The following SP6 variants were observed in gnomAD, a reference collection of about 807,000 sequenced individuals.
The protein encoded by SP6 is Sp6 transcription factor.
Under a neutral mutation model 23.4 loss-of-function variants are expected in SP6, and 10 were observed. The ratio of observed to expected loss-of-function variants is 0.43; its 90% confidence interval spans 0.26 to 0.72. The LOEUF is 0.72. SP6 is among the 30% of genes least tolerant of loss of function. The pLI is 0.23. For missense variants in SP6, 482 were observed against 523.8 expected (o/e 0.92, Z 0.78); for synonymous variants, 238 against 238.7 (o/e 1.00, Z 0.03).
At chr17:47,855,719 C>T (rs1371139891), upstream of SP6, 1 of 152,824 alleles carries the variant, frequency 6.5e-6, no homozygotes, top group Non-Finnish European at 1.5e-5. Flanking sequence ...AAGAGCCAGG[C>T]TTTATAAAGG....
In SP6 at chr17:47,846,479, C is replaced by G. The variant is rs1209777721; in HGVS notation, c.*820G>C. The G allele has an allele frequency of 6.6e-6, 1 of 152,154 alleles. No homozygotes were observed. The highest frequency in any genetic ancestry group is 2.4e-5 in the African/African-American group (1 of 41,404). The allele number at this position is 152,154 out of a possible 1,614,324, so 9.4% of individuals were successfully genotyped here. ...TTTATCATAGACCAAGAATTAAGGG[C>G]TGAATCAGAGGTGGAGAGGGAAGGG... On this transcript the variant is annotated 3_prime_UTR_variant, in exon 2 of 2. Coordinates refer to ENST00000536300, the MANE Select transcript of SP6 (RefSeq NM_001258248.2).
chr17:47,854,039 C>T (rs2033981126), upstream of SP6, among the ~76,000 whole-genome samples: 1 of 152,088 alleles, frequency 6.6e-6, no homozygotes, highest in South Asian at 2.1e-4. Context: ...AATTGAACAA[C>T]ACAGCCCATC....
At chr17:47,865,440 C>T in the SP6 span, among the ~76,000 whole-genome samples, 1 of 152,118 alleles carries the variant, frequency 6.6e-6, no homozygotes, top group Non-Finnish European at 1.5e-5. Context: ...ACCACCAGGA[C>T]CGAAAGAGCC....
upstream of SP6, among the ~76,000 whole-genome samples, chr17:47,854,160 T>G (rs1182026694): frequency 6.6e-6 from 1 of 152,148 alleles, no homozygotes; most frequent in African/African-American, 2.4e-5. Context: ...CAACCCCCAT[T>G]CCTGCCACCC....
the SP6 span, among the ~76,000 whole-genome samples, chr17:47,865,672 G>C: frequency 6.6e-6 from 1 of 152,318 alleles, no homozygotes; most frequent in South Asian, 2.1e-4. Flanking sequence ...ATCGGAGGGT[G>C]CCTGGGGACT....
Position 47,848,113 on chromosome 17 carries a change from G to C in SP6, c.317C>G (p.Ser106Trp), listed in dbSNP as rs1454217202. 1 of 1,613,664 alleles carries C rather than the reference G, an allele frequency of 6.2e-7. No individual in the cohort carries two copies. Among genetic ancestry groups the C allele is most frequent in the East Asian group, 2.2e-5 (1 of 44,882 alleles). The change falls in exon 2 of 2, where the codon TCG becomes TGG. Residue 106 changes from serine (S) to tryptophan (W), a missense_variant. Ser to Trp is a radical substitution (Grantham distance 177, BLOSUM62 -3). Coordinates refer to ENST00000536300, the MANE Select transcript of SP6 (RefSeq NM_001258248.2). The surrounding 1 kb of genome is among the most constrained non-coding windows in gnomAD (Gnocchi z 5.3). Reference protein sequence around the residue: ...LQPDMSHHYESWFRPTHPGAE... With the variant: ...LQPDMSHHYEWWFRPTHPGAE... ...GCCTGGGTGAGTCGGCCTGAACCACGATTCATAATGGTGTGACATGTCCGG... is the reference window on the plus strand; with the variant it reads ...GCCTGGGTGAGTCGGCCTGAACCACCATTCATAATGGTGTGACATGTCCGG...
the SP6 span, among the ~76,000 whole-genome samples, chr17:47,865,635 A>G: frequency 6.6e-6 from 1 of 152,180 alleles, no homozygotes; most frequent in East Asian, 1.9e-4. Context: ...CCAGGATAAG[A>G]ACCAGTGGGT....
At chr17:47,874,051 T>C in the SP6 span, among the ~76,000 whole-genome samples, 1 of 150,798 alleles carries the variant, frequency 6.6e-6, no homozygotes, top group Non-Finnish European at 1.5e-5. Context: ...CTCTTCTTCT[T>C]CTTCTCCTTC....
rs982623540 is a variant in SP6, at chr17:47,848,072, A to G, written c.358T>C (p.Trp120Arg). 7 of 1,613,166 alleles carry G rather than the reference A, an allele frequency of 4.3e-6. No homozygotes were observed. The African/African-American group carries it at 9.3e-5, about 22-fold the overall frequency. Reference sequence around the variant, plus strand: ...CTGGTGCCCGGATGAAGGTCCCACCACGAGCCATCCTCCGCGCCTGGGTGA... The same window carrying G: ...CTGGTGCCCGGATGAAGGTCCCACCGCGAGCCATCCTCCGCGCCTGGGTGA... ...PTHPGAEDGS[W>R]WDLHPGTSWM... The change falls in exon 2 of 2, where the codon TGG becomes CGG. Residue 120 changes from tryptophan (W) to arginine (R), a missense_variant. Transcript: ENST00000536300. The surrounding 1 kb of genome is among the most constrained non-coding windows in gnomAD (Gnocchi z 5.3).
At chr17:47,864,009 T>C in the SP6 span, among the ~76,000 whole-genome samples, 1 of 147,270 alleles carries the variant, frequency 6.8e-6, no homozygotes, top group African/African-American at 2.5e-5. Context: ...GGCTTTTTTT[T>C]TTTTTTTTTT....
the SP6 span, among the ~76,000 whole-genome samples, chr17:47,875,720 T>C: frequency 2.0e-5 from 3 of 152,242 alleles, no homozygotes; most frequent in Non-Finnish European, 4.4e-5. Context: ...TCCTTGCTTG[T>C]GCATTCCTGG....
rs2033868923 is a variant in SP6 at position 47,844,972 on chromosome 17, T to A, written c.*2327A>T. On this transcript the variant is annotated 3_prime_UTR_variant, in exon 2 of 2. Transcript: ENST00000536300. ...GCTGTTTCTCCCTCCTCCTACCCCC[T>A]CAAAGTGAGTTCACAGCAGTTAAAG... 6.6e-6 allele frequency: 1 copy of A among 152,512 alleles called. No individual in the cohort carries two copies. Among genetic ancestry groups the A allele is most frequent in the African/African-American group, 2.4e-5 (1 of 41,402 alleles). The allele number at this position is 152,512 out of a possible 1,614,324, so 9.4% of individuals were successfully genotyped here.
chr17:47,866,984 C>T, the SP6 span, among the ~76,000 whole-genome samples: 8 of 152,022 alleles, frequency 5.3e-5, no homozygotes, highest in Non-Finnish European at 7.4e-5. Context: ...GGACACGCCA[C>T]GCTGGGAATC....
chr17:47,850,301 A>G (rs763153162), intron 1 of SP6, among the ~76,000 whole-genome samples: 2 of 152,162 alleles, frequency 1.3e-5, no homozygotes, highest in Non-Finnish European at 2.9e-5. Flanking sequence ...GGTGATTCTC[A>G]GGTTCTAAGA....
chr17:47,848,521 A>C lies in SP6; in HGVS notation c.-57-35T>G. On this transcript the variant is annotated intron_variant, in intron 1 of 1. Coordinates refer to ENST00000536300, the MANE Select transcript of SP6 (RefSeq NM_001258248.2). This position sits in a 1 kb window ranked among gnomAD's most constrained non-coding sequence, Gnocchi z 5.3. ...GCGAAGAAGCAGAAAAGTAAGGGAAATAACCAGCTCACTTTCCCTCCTAAC... is the reference window on the plus strand; with the variant it reads ...GCGAAGAAGCAGAAAAGTAAGGGAACTAACCAGCTCACTTTCCCTCCTAAC... 1.6e-6 allele frequency: 2 copies of C among 1,252,486 alleles called. No homozygotes were observed. The highest frequency in any genetic ancestry group is 3.2e-5 in the South Asian group (2 of 62,322). 77.6% of individuals were successfully genotyped at this position (1,252,486 alleles called of 1,614,324 possible). A position where few individuals can be genotyped will look rare whatever the true frequency, so the allele number is the denominator to read the frequency against.
chr17:47,848,628 G>T lies in SP6; in HGVS notation c.-57-142C>A. On this transcript the variant is annotated intron_variant, in intron 1 of 1. Coordinates refer to ENST00000536300, the MANE Select transcript of SP6 (RefSeq NM_001258248.2). This position sits in a 1 kb window ranked among gnomAD's most constrained non-coding sequence, Gnocchi z 5.3. ...CTAGAGATGAGTTTAGAGAATTCGG[G>T]AGTGCGAGGAAGGGTCCAAGATGTG... is the stretch of plus-strand genomic sequence containing the variant. 1.8e-6 allele frequency: 1 copy of T among 544,550 alleles called. No homozygotes were observed. 33.7% of individuals were successfully genotyped at this position (544,550 alleles called of 1,614,324 possible).
the SP6 span, among the ~76,000 whole-genome samples, chr17:47,872,417 G>A: frequency 2.6e-5 from 4 of 152,218 alleles, no homozygotes; most frequent in Admixed American, 6.5e-5. Flanking sequence ...GGACCCGGGA[G>A]GGGAGTTCCC....
Position 47,847,273 on chromosome 17 carries a change from C to A in SP6, c.*26G>T, listed in dbSNP as rs1363139844. 4.7e-6 allele frequency: 7 copies of A among 1,482,850 alleles called. No individual in the cohort carries two copies. Among genetic ancestry groups the A allele is most frequent in the Admixed American group, 2.4e-5 (1 of 41,802 alleles). 91.9% of individuals were successfully genotyped at this position (1,482,850 alleles called of 1,614,324 possible). A position where few individuals can be genotyped will look rare whatever the true frequency, so the allele number is the denominator to read the frequency against. On this transcript the variant is annotated 3_prime_UTR_variant, in exon 2 of 2. Transcript: ENST00000536300. ...CTCGCATCCAGTGCCCCCCGGGATA[C>A]CCGCAGGGAGGCGGCACTGAGGAGC... is the stretch of plus-strand genomic sequence containing the variant.
the SP6 span, among the ~76,000 whole-genome samples, chr17:47,875,221 G>A: frequency 6.6e-6 from 1 of 152,072 alleles, no homozygotes; most frequent in Non-Finnish European, 1.5e-5. Context: ...CCTGGGGCTG[G>A]CTCCCAGGCT....
Sources: allele counts gnomAD v4.1 joint callset (sites outside exome capture counted in the v4.1 genomes callset), GRCh38; gene constraint gnomAD v4.1.1; non-coding constraint Gnocchi (gnomAD v3.1); transcripts MANE v1.5; gene names NCBI Gene and HGNC (gene_info 2026-07-23, HGNC 2026-07-21).